MLIP: variants seen among roughly 807,000 people sequenced by gnomAD.
The protein encoded by MLIP is muscular LMNA-interacting protein.
MLIP carries 79 observed loss-of-function variants against 84.8 expected under a neutral mutation model. That is an observed-to-expected ratio of 0.93 (90% CI 0.78 to 1.12). MLIP has a LOEUF of 1.12. Among genes scored for constraint, MLIP ranks in the 50% most tolerant of loss-of-function variants. MLIP has a pLI of 0.00. For synonymous variants in MLIP, 504 were observed against 463.0 expected (o/e 1.09, Z -1.14); for missense variants, 1,257 against 1,160.6 (o/e 1.08, Z -1.21).
At chr6:54,120,355 C>T (rs1150887) in intron 1 of MLIP, among the ~76,000 whole-genome samples, 83,949 of 151,776 alleles carry the variant, frequency 0.55, 24,747 homozygotes, top group South Asian at 0.7. Flanking sequence ...CTGCTTCAGC[C>T]TCCTGAGTAG....
At chr6:54,263,470 T>A (rs574011373) in intron 13 of MLIP, among the ~76,000 whole-genome samples, 4 of 152,222 alleles carry the variant, frequency 2.6e-5, no homozygotes, top group Non-Finnish European at 4.4e-5. Flanking sequence ...TTTAATCATA[T>A]TATGATACAC....
intron 1 of MLIP, among the ~76,000 whole-genome samples, chr6:54,057,312 T>A (rs1004930308): frequency 6.6e-6 from 1 of 152,214 alleles, no homozygotes; most frequent in Non-Finnish European, 1.5e-5. Context: ...TTGGAAGGTT[T>A]CTAAGTTCAG....
At chr6:54,220,478 GC>G (rs1221518562) in intron 11 of MLIP, among the ~76,000 whole-genome samples, 6 of 152,088 alleles carry the variant, frequency 3.9e-5, no homozygotes, top group Non-Finnish European at 8.8e-5. Flanking sequence ...AGTATTTATT[GC>G]AGAATAATAA....
chr6:54,160,453 C>T (rs368115749), intron 6 of MLIP, 21 bp downstream of exon 6: 47 of 1,611,770 alleles, frequency 2.9e-5, no homozygotes, highest in Non-Finnish European at 3.7e-5. Context: ...CAGATTACCC[C>T]TGCTTTTGGT....
chr6:54,153,029 C>T (rs1334422903), intron 5 of MLIP, among the ~76,000 whole-genome samples: 1 of 151,934 alleles, frequency 6.6e-6, no homozygotes, highest in Non-Finnish European at 1.5e-5. Flanking sequence ...AGGGCTGGGG[C>T]TAGGTACAAT....
chr6:54,182,865 T>C (rs1008542209), intron 9 of MLIP, among the ~76,000 whole-genome samples: 10 of 152,206 alleles, frequency 6.6e-5, no homozygotes, highest in African/African-American at 2.4e-4. Flanking sequence ...TCACATTCTA[T>C]TGATAACAAC....
At chr6:54,071,108 G>A (rs1366351068) in intron 1 of MLIP, among the ~76,000 whole-genome samples, 1 of 152,024 alleles carries the variant, frequency 6.6e-6, no homozygotes. Flanking sequence ...TTCTCTCATA[G>A]GTATTTGCAT....
rs1167838375 is a variant in MLIP, at chr6:54,083,432, T to A, written c.64-38015T>A. ...AGCAGGGAGGAAGGAGGGCATAATTTGTACAGTGCTTTGTCATCTTTGCAG... is the reference window on the plus strand; with the variant it reads ...AGCAGGGAGGAAGGAGGGCATAATTAGTACAGTGCTTTGTCATCTTTGCAG... On this transcript the variant is annotated intron_variant, in intron 1 of 12. Transcript: ENST00000274897. 1.3e-5 allele frequency: 20 copies of A among 1,494,746 alleles called. No individual in the cohort carries two copies. The African/African-American group carries it at 2.4e-4, about 18-fold the overall frequency. The allele number at this position is 1,494,746 out of a possible 1,614,324, so 92.6% of individuals were successfully genotyped here.
intron 5 of MLIP, among the ~76,000 whole-genome samples, chr6:54,156,534 G>A (rs1171846982): frequency 6.6e-6 from 1 of 152,080 alleles, no homozygotes; most frequent in Non-Finnish European, 1.5e-5. Flanking sequence ...CATTGCACTA[G>A]CATTGATTAT....
exon 1 of MLIP, chr6:54,019,091 G>A (rs765889815): frequency 8.7e-6 from 14 of 1,611,960 alleles, no homozygotes; most frequent in Admixed American, 6.7e-5. Context: ...AGAAACTGAC[G>A]GTAAGACATG....
rs1285318689 is a variant in MLIP, at chr6:54,068,016, CTTCCTTCCTTCCTTCCTTTTTTCT to C, written c.63+48944_63+48967del. Among the ~76,000 whole-genome samples, 258 of 65,022 alleles carry C rather than the reference CTTCCTTCCTTCCTTCCTTTTTTCT, an allele frequency of 4.0e-3. 74 individuals are homozygous for C. The highest frequency in any genetic ancestry group is 0.03 in the Admixed American group (152 of 5,126). The allele number at this position is 65,022 out of a possible 152,430, so 42.7% of individuals were successfully genotyped here. A position where few individuals can be genotyped will look rare whatever the true frequency, so the allele number is the denominator to read the frequency against. On this transcript the variant is annotated intron_variant, in intron 1 of 12. Coordinates refer to the MLIP transcript ENST00000274897. ...TCAAGTCCTTTCTTCATGTCAGCTC[CTTCCTTCCTTCCTTCCTTTTTTCT>C]TTCCTTCCTTCCTTCCTTCCTTCCT...
At chr6:54,217,024 G>A (rs1779901930) in intron 11 of MLIP, 1 of 985,290 alleles carries the variant, frequency 1.0e-6, no homozygotes, top group Non-Finnish European at 1.2e-6. Context: ...ACTGCTGTAA[G>A]TTCTAGACAG....
At chr6:54,124,902 A>G (rs182828120) in intron 3 of MLIP, 37 bp downstream of exon 3, 3 of 1,522,294 alleles carry the variant, frequency 2.0e-6, no homozygotes, top group African/African-American at 1.4e-5. Context: ...AAGGAAAAAA[A>G]AAGCGTTTAT....
At chr6:54,251,703 T>G in intron 12 of MLIP, among the ~76,000 whole-genome samples, 1 of 93,608 alleles carries the variant, frequency 1.1e-5, no homozygotes, top group South Asian at 2.9e-4. Flanking sequence ...TATTATAACA[T>G]ATGATACATA....
intron 10 of MLIP, among the ~76,000 whole-genome samples, chr6:54,196,507 A>C (rs1214150585): frequency 6.6e-6 from 1 of 152,108 alleles, no homozygotes; most frequent in East Asian, 1.9e-4. Flanking sequence ...CCTGCAAATG[A>C]CATGATCTCA....
intron 11 of MLIP, among the ~76,000 whole-genome samples, chr6:54,227,912 A>C (rs1337605574): frequency 3.3e-5 from 5 of 152,124 alleles, no homozygotes; most frequent in African/African-American, 4.8e-5. Flanking sequence ...GGCCGGGCGC[A>C]GTGGCTCACG....
chr6:54,150,964 A>G (rs1291716579), intron 5 of MLIP, among the ~76,000 whole-genome samples: 1 of 152,204 alleles, frequency 6.6e-6, no homozygotes, highest in African/African-American at 2.4e-5. Context: ...TTAATTTTAA[A>G]TAAAACATTC....
upstream of MLIP, among the ~76,000 whole-genome samples, chr6:54,110,044 G>T (rs376372972): frequency 1.4e-5 from 2 of 144,670 alleles, no homozygotes; most frequent in East Asian, 2.1e-4. Context: ...GTGCAGTGGC[G>T]CGATATTGGC....
intron 1 of MLIP, among the ~76,000 whole-genome samples, chr6:54,093,083 G>A (rs1767966693): frequency 6.6e-6 from 1 of 151,926 alleles, no homozygotes; most frequent in African/African-American, 2.4e-5. Context: ...CACCATGTTG[G>A]CCATGCTGGT....
Sources: gnomAD v4.1 joint callset for allele counts (sites outside exome capture counted in the v4.1 genomes callset) on GRCh38, gnomAD v4.1.1 for gene constraint, MANE v1.5 for transcripts, NCBI Gene and HGNC (gene_info 2026-07-23, HGNC 2026-07-21) for gene names.